The following TEX264 variants were observed in gnomAD, a reference collection of about 807,000 sequenced individuals.
TEX264 encodes the protein testis-expressed protein 264.
In TEX264, 13 loss-of-function variants were observed where a neutral mutation model predicts 23.4. The observed-to-expected ratio is 0.56, with a 90% CI of 0.36 to 0.88. TEX264 has a LOEUF of 0.88. Ranked by LOEUF, TEX264 falls within the 40% of genes least tolerant of loss-of-function variation. The probability of loss-of-function intolerance (pLI) is 0.01; values close to 1 mark genes in which losing one functional copy is unlikely to be tolerated. For missense variants in TEX264, 340 were observed against 406.8 expected, an observed-to-expected ratio of 0.84 and a Z score of 1.41; for synonymous variants, 159 against 170.0, an observed-to-expected ratio of 0.94 and a Z score of 0.50.
chr3:51,676,464 A>G (rs1228828593), intron 2 of TEX264, among the ~76,000 whole-genome samples: 10 of 152,176 alleles, frequency 6.6e-5, no homozygotes, highest in Non-Finnish European at 8.8e-5. Flanking sequence ...GGTGGACCCC[A>G]TGGGGTGGGC....
intron 3 of TEX264, among the ~76,000 whole-genome samples, chr3:51,689,303 A>G (rs1308652666): frequency 1.3e-5 from 2 of 151,834 alleles, no homozygotes; most frequent in Non-Finnish European, 2.9e-5. Flanking sequence ...GGTGGCGTGC[A>G]CCTGTGGTCT....
At chr3:51,683,135 G>T (rs114351415) in intron 2 of TEX264, 2 of 153,434 alleles carry the variant, frequency 1.3e-5, no homozygotes, top group African/African-American at 4.8e-5. Flanking sequence ...CCCTGTGAAG[G>T]TGAACTGCTG....
At chr3:51,671,914 G>A (rs1253717182) in intron 1 of TEX264, 1 of 152,218 alleles carries the variant, frequency 6.6e-6, no homozygotes, top group Non-Finnish European at 1.5e-5. Flanking sequence ...CCGGCCGCAC[G>A]CGTCCATCCC....
chr3:51,676,514 G>A (rs1337079917), intron 2 of TEX264, among the ~76,000 whole-genome samples: 2 of 152,206 alleles, frequency 1.3e-5, no homozygotes, highest in Non-Finnish European at 2.9e-5. Flanking sequence ...TCTGACTAGG[G>A]TGCTTGTCTG....
At chr3:51,699,286 TG>T (rs772000358) in intron 3 of TEX264, 119 bp from the exon 4 acceptor site, 3 of 1,049,160 alleles carry the variant, frequency 2.9e-6, no homozygotes, top group Non-Finnish European at 4.2e-6. Flanking sequence ...TGGAAGAGGT[TG>T]AGAGGCAGAG....
chr3:51,676,927 C>T (rs1283160205), intron 2 of TEX264, among the ~76,000 whole-genome samples: 2 of 152,214 alleles, frequency 1.3e-5, no homozygotes, highest in African/African-American at 4.8e-5. Context: ...GTCCAGAAGA[C>T]ACCTGTGTCC....
At chr3:51,678,066 C>T (rs991881528) in intron 2 of TEX264, among the ~76,000 whole-genome samples, 4 of 152,120 alleles carry the variant, frequency 2.6e-5, no homozygotes, top group Middle Eastern at 3.2e-3. Flanking sequence ...CACATGTAGG[C>T]GGATGTCAGT....
chr3:51,687,594 G>T (rs2106957740), intron 3 of TEX264, among the ~76,000 whole-genome samples: 2 of 152,340 alleles, frequency 1.3e-5, no homozygotes, highest in South Asian at 4.1e-4. Context: ...TGCTGTGAAG[G>T]CTCTTCAAAT....
chr3:51,694,077 TTCCG>T lies in TEX264; in HGVS notation c.481-5321_481-5318del, dbSNP rs1362318428. 1.1e-3 allele frequency among the ~76,000 whole-genome samples: 119 copies of T among 108,274 alleles called. 2 individuals are homozygous for T. Among genetic ancestry groups the T allele is most frequent in the Middle Eastern group, 4.6e-3 (1 of 218 alleles). 71.0% of individuals were successfully genotyped at this position (108,274 alleles called of 152,430 possible). On this transcript the variant is annotated intron_variant, in intron 3 of 4. Transcript: ENST00000341333. Reference sequence around the variant, plus strand: ...TTCCCTTCCCTTCCCTTCCCCTTCCTTCCGTCCGTCCTTCCTTCCTTCCTTCCTT... The same window carrying T: ...TTCCCTTCCCTTCCCTTCCCCTTCCTTCCGTCCTTCCTTCCTTCCTTCCTT...
intron 3 of TEX264, among the ~76,000 whole-genome samples, chr3:51,695,001 G>T (rs1407576765): frequency 1.3e-5 from 2 of 152,244 alleles, no homozygotes; most frequent in Non-Finnish European, 2.9e-5. Context: ...GTGCCATGAA[G>T]ACCAGCTGCC....
chr3:51,698,600 A>G (rs752502081), intron 3 of TEX264, among the ~76,000 whole-genome samples: 2 of 152,158 alleles, frequency 1.3e-5, no homozygotes, highest in Non-Finnish European at 2.9e-5. Context: ...GTGTCTAGGC[A>G]GAGGGAGGTG....
chr3:51,701,161 G>A (rs949595590), intron 4 of TEX264, among the ~76,000 whole-genome samples: 4 of 152,158 alleles, frequency 2.6e-5, no homozygotes, highest in Non-Finnish European at 5.9e-5. Flanking sequence ...GGGTGAAGGG[G>A]GTGGGCTTCA....
chr3:51,694,076 C>CG (rs1702950798), intron 3 of TEX264, among the ~76,000 whole-genome samples: 1 of 119,900 alleles, frequency 8.3e-6, no homozygotes, highest in Admixed American at 8.4e-5. Flanking sequence ...CTTCCCCTTC[C>CG]TTCCGTCCGT....
chr3:51,688,397 G>T (rs1702701886), intron 3 of TEX264, among the ~76,000 whole-genome samples: 1 of 152,214 alleles, frequency 6.6e-6, no homozygotes, highest in African/African-American at 2.4e-5. Flanking sequence ...GTGTGGGATT[G>T]TGTGTGTAAG....
At chr3:51,671,391 G>A (rs1702036248) in intron 1 of TEX264, 103 bp downstream of exon 1, 1 of 152,776 alleles carries the variant, frequency 6.5e-6, no homozygotes, top group Non-Finnish European at 1.5e-5. Context: ...TCCCCTCCGT[G>A]ACCCCCGCGG....
intron 3 of TEX264, among the ~76,000 whole-genome samples, chr3:51,685,702 C>T (rs1702598719): frequency 6.6e-6 from 1 of 152,188 alleles, no homozygotes; most frequent in Admixed American, 6.5e-5. Flanking sequence ...TGAGCTGTCC[C>T]ATCTCTGGGC....
intron 1 of TEX264, among the ~76,000 whole-genome samples, chr3:51,672,903 G>A (rs1258048168): frequency 6.6e-6 from 1 of 152,218 alleles, no homozygotes; most frequent in Non-Finnish European, 1.5e-5. Flanking sequence ...TGGAATGAAA[G>A]TTACTGGAGA....
At chr3:51,690,348 A>G (rs1441569461) in intron 3 of TEX264, among the ~76,000 whole-genome samples, 1 of 152,204 alleles carries the variant, frequency 6.6e-6, no homozygotes, top group African/African-American at 2.4e-5. Flanking sequence ...CCTGGCCAAC[A>G]CAGTGAAACC....
At chr3:51,687,122 G>A (rs1702649193) in intron 3 of TEX264, among the ~76,000 whole-genome samples, 1 of 152,226 alleles carries the variant, frequency 6.6e-6, no homozygotes, top group South Asian at 2.1e-4. Flanking sequence ...ATGGGGGAGA[G>A]CAAGGGGCTT....
Sources: allele counts gnomAD v4.1 joint callset (sites outside exome capture counted in the v4.1 genomes callset), GRCh38; gene constraint gnomAD v4.1.1; transcripts MANE v1.5; gene names NCBI Gene and HGNC (gene_info 2026-07-23, HGNC 2026-07-21).